Variants in GRK4 observed in about 807,000 individuals in gnomAD.
GRK4 encodes the protein G protein-coupled receptor kinase 2-like.
In GRK4, 73 loss-of-function variants were observed where a neutral mutation model predicts 77.9. The ratio of observed to expected loss-of-function variants is 0.94; its 90% CI spans 0.78 to 1.14. GRK4 has a LOEUF of 1.14. GRK4 is among the 50% of genes most tolerant of loss of function. The pLI, the probability that GRK4 is intolerant of heterozygous loss-of-function variation, is 0.00. For synonymous variants in GRK4, 257 were observed against 254.4 expected, an observed-to-expected ratio of 1.01 and a Z score of -0.10; for missense variants, 729 against 700.2, an observed-to-expected ratio of 1.04 and a Z score of -0.46.
intron 1 of GRK4, chr4:2,965,188 G>A (rs1430250377): frequency 1.5e-6 from 1 of 676,942 alleles, no homozygotes; most frequent in Non-Finnish European, 2.7e-6. Context: ...CCACTGAGCT[G>A]GTGCGTACCT....
intron 4 of GRK4, among the ~76,000 whole-genome samples, chr4:2,995,644 C>G (rs1727634598): frequency 6.6e-6 from 1 of 151,716 alleles, no homozygotes; most frequent in African/African-American, 2.4e-5. Flanking sequence ...TTGTGCCACT[C>G]CAACCTGGGT....
intron 4 of GRK4, among the ~76,000 whole-genome samples, chr4:2,994,008 G>C (rs1305005048): frequency 6.6e-6 from 1 of 152,132 alleles, no homozygotes; most frequent in African/African-American, 2.4e-5. Context: ...ATGGCCAGCA[G>C]GACCATCTAG....
chr4:3,013,569 C>A (rs1733535577), intron 7 of GRK4, 119 bp from the exon 8 acceptor site: 1 of 1,210,968 alleles, frequency 8.3e-7, no homozygotes, highest in Admixed American at 2.3e-5. Context: ...GGTCTCGGCT[C>A]CTCATGCACT....
At chr4:3,006,456 C>T (rs1288433513) in intron 5 of GRK4, among the ~76,000 whole-genome samples, 1 of 151,688 alleles carries the variant, frequency 6.6e-6, no homozygotes, top group Non-Finnish European at 1.5e-5. Flanking sequence ...TAATGGTATT[C>T]TAGTGTTTGT....
At chr4:3,036,515 C>T (rs1034553588) in intron 13 of GRK4, among the ~76,000 whole-genome samples, 2 of 152,242 alleles carry the variant, frequency 1.3e-5, no homozygotes, top group Non-Finnish European at 1.5e-5. Flanking sequence ...CGGGTGCCTC[C>T]GGCATGAGCA....
At chr4:2,982,095 A>AG (rs1723037973) in intron 1 of GRK4, among the ~76,000 whole-genome samples, 1 of 152,250 alleles carries the variant, frequency 6.6e-6, no homozygotes, top group African/African-American at 2.4e-5. Flanking sequence ...CTGCAGGGGC[A>AG]GGGGGGCTTC....
Position 3,004,256 on chromosome 4 carries a change from C to T in GRK4, c.365C>T (p.Pro122Leu). 6.2e-7 allele frequency: 1 copy of T among 1,613,608 alleles called. No homozygotes were observed. Among genetic ancestry groups the T allele is most frequent in the Non-Finnish European group, 8.5e-7 (1 of 1,179,598 alleles). The change falls in exon 5 of 16, where the codon CCT becomes CTT. Residue 122 changes from proline (P) to leucine (L), a missense_variant. Physicochemically the swap from Pro to Leu is moderately conservative, Grantham distance 98 (BLOSUM62 -3). Coordinates refer to ENST00000398052, the MANE Select transcript of GRK4 (RefSeq NM_182982.3). ...DKLAAPLPEI[P>L]PDVVTECRLG... ...TTGGCAGCCCCTTTACCAGAAATACCTCCAGATGTTGTGACAGAATGTAGA... is the reference window on the plus strand; with the variant it reads ...TTGGCAGCCCCTTTACCAGAAATACTTCCAGATGTTGTGACAGAATGTAGA...
chr4:2,995,827 A>G (rs1727698145), intron 4 of GRK4, among the ~76,000 whole-genome samples: 1 of 152,172 alleles, frequency 6.6e-6, no homozygotes, highest in Non-Finnish European at 1.5e-5. Context: ...ATGTTGTTTG[A>G]CCCGAATTCT....
At position 3,038,694 on chromosome 4, in the gene GRK4, C is replaced by A. The variant is rs1741540882; in HGVS notation, c.1683+181C>A. ...AGCCAGAACAATGAGAACACCCTCG[C>A]AGTGAGGTTTGTTGCTGGGATGAAG... On this transcript the variant is annotated intron_variant, in intron 15 of 15. Transcript: ENST00000398052. 3 of 592,142 alleles carry A rather than the reference C, an allele frequency of 5.1e-6. No individual in the cohort carries two copies. The South Asian group carries it at 7.2e-5, about 14-fold the overall frequency. 36.7% of individuals were successfully genotyped at this position (592,142 alleles called of 1,614,324 possible). A position where few individuals can be genotyped will look rare whatever the true frequency, so the allele number is the denominator to read the frequency against.
chr4:3,021,541 T>C (rs1389326022), intron 9 of GRK4, among the ~76,000 whole-genome samples: 1 of 152,180 alleles, frequency 6.6e-6, no homozygotes, highest in Non-Finnish European at 1.5e-5. Context: ...GAGACCAGGC[T>C]TGGCAGTGGG....
At chr4:2,978,887 G>C (rs1721971596) in intron 1 of GRK4, among the ~76,000 whole-genome samples, 1 of 151,920 alleles carries the variant, frequency 6.6e-6, no homozygotes. Context: ...GAGTTCAGGA[G>C]TTCGAGACCA....
At chr4:3,004,053 G>C (rs1156982693) in intron 4 of GRK4, among the ~76,000 whole-genome samples, 178 bp from the exon 5 acceptor site, 1 of 152,232 alleles carries the variant, frequency 6.6e-6, no homozygotes, top group Non-Finnish European at 1.5e-5. Context: ...GAGAAGATCT[G>C]AAAAGGCAGA....
chr4:2,971,959 A>G (rs992545331), intron 1 of GRK4, among the ~76,000 whole-genome samples: 1 of 152,146 alleles, frequency 6.6e-6, no homozygotes, highest in Non-Finnish European at 1.5e-5. Flanking sequence ...TTTTAACTTA[A>G]TTGTCTCTAT....
At chr4:2,988,637 G>C (rs748563038) in intron 2 of GRK4, 90 bp from the exon 3 acceptor site, 40 of 708,082 alleles carry the variant, frequency 5.6e-5, no homozygotes, top group South Asian at 1.3e-4. Context: ...GACTTTTACT[G>C]TATCGAGTGA....
At chr4:3,014,833 C>T (rs1733990411) in intron 8 of GRK4, among the ~76,000 whole-genome samples, 1 of 152,060 alleles carries the variant, frequency 6.6e-6, no homozygotes, top group South Asian at 2.1e-4. Context: ...CCCTATGTTG[C>T]TCAGGCTGGT....
At chr4:2,967,571 G>A (rs75904144) in intron 1 of GRK4, among the ~76,000 whole-genome samples, 1,544 of 151,888 alleles carry the variant, frequency 0.01, 28 homozygotes, top group African/African-American at 0.036. Context: ...CTAATTTTTT[G>A]TATTTTTAGT....
At chr4:2,993,926 A>G (rs1343886667) in intron 4 of GRK4, among the ~76,000 whole-genome samples, 2 of 152,232 alleles carry the variant, frequency 1.3e-5, no homozygotes. Context: ...TGGATTTGAA[A>G]CATAGCCAAC....
intron 9 of GRK4, among the ~76,000 whole-genome samples, chr4:3,020,361 T>G (rs1013383196): frequency 5.3e-5 from 8 of 152,234 alleles, no homozygotes; most frequent in Non-Finnish European, 8.8e-5. Context: ...ACTGGTTAAG[T>G]TGATCAAATA....
intron 1 of GRK4, among the ~76,000 whole-genome samples, chr4:2,972,199 T>C (rs1719762351): frequency 6.6e-6 from 1 of 152,064 alleles, no homozygotes; most frequent in African/African-American, 2.4e-5. Flanking sequence ...CCTCTGACAG[T>C]TTTCAACCCA....
Sources: gnomAD v4.1 joint callset for allele counts (sites outside exome capture counted in the v4.1 genomes callset) on GRCh38, gnomAD v4.1.1 for gene constraint, MANE v1.5 for transcripts, NCBI Gene and HGNC (gene_info 2026-07-23, HGNC 2026-07-21) for gene names.